The following CEP112 variants were observed in gnomAD, a reference collection of about 807,000 sequenced individuals.
CEP112 encodes centrosomal protein of 112 kDa.
Under a neutral mutation model 153.0 loss-of-function variants are expected in CEP112, and 127 were observed. The ratio of observed to expected loss-of-function variants is 0.83; its 90% CI spans 0.72 to 0.96. The LOEUF (loss-of-function observed/expected upper bound fraction) is 0.96, where lower values mean the gene tolerates loss of function less well. CEP112 is among the 40% of genes least tolerant of loss of function. The probability of loss-of-function intolerance (pLI) is 0.00; values close to 1 mark genes in which losing one functional copy is unlikely to be tolerated. For synonymous variants in CEP112, 358 were observed against 374.4 expected (o/e 0.96, Z 0.51); for missense variants, 1,089 against 1,101.2 (o/e 0.99, Z 0.16).
chr17:65,985,640 T>C (rs1483630559), intron 17 of CEP112, among the ~76,000 whole-genome samples: 3 of 152,196 alleles, frequency 2.0e-5, no homozygotes, highest in African/African-American at 7.2e-5. Context: ...CAAAGAACCG[T>C]TCATGACAAC....
chr17:65,753,821 G>C (rs2052041245), intron 21 of CEP112, among the ~76,000 whole-genome samples: 1 of 152,112 alleles, frequency 6.6e-6, no homozygotes, highest in South Asian at 2.1e-4. Context: ...TAAAGATGAG[G>C]TTACTTTTCC....
intron 6 of CEP112, among the ~76,000 whole-genome samples, chr17:66,100,381 CAG>C (rs2068518392): frequency 8.0e-6 from 1 of 124,774 alleles, no homozygotes; most frequent in African/African-American, 3.1e-5. Flanking sequence ...GCCTGGACAA[CAG>C]AGTGAGATTC....
chr17:65,926,053 A>G (rs2060910831), intron 19 of CEP112, among the ~76,000 whole-genome samples: 1 of 152,220 alleles, frequency 6.6e-6, no homozygotes, highest in Admixed American at 6.5e-5. Context: ...AAAACTTTGT[A>G]TTACTAAGTA....
intron 16 of CEP112, among the ~76,000 whole-genome samples, chr17:66,022,711 G>GGAAA (rs60618756): frequency 0.08 from 10,094 of 126,954 alleles, 799 homozygotes; most frequent in South Asian, 0.15. Context: ...TCCGCCTCAA[G>GGAAA]AAAAAAAAAA....
intron 20 of CEP112, among the ~76,000 whole-genome samples, chr17:65,887,125 A>G (rs2059307154): frequency 6.6e-6 from 1 of 152,166 alleles, no homozygotes; most frequent in African/African-American, 2.4e-5. Context: ...CCACCAATGG[A>G]TATGCCTGTA....
At chr17:65,699,744 C>T (rs571952607) in intron 23 of CEP112, among the ~76,000 whole-genome samples, 2 of 152,286 alleles carry the variant, frequency 1.3e-5, no homozygotes, top group South Asian at 4.1e-4. Context: ...CTTCCTACAT[C>T]AGCCTCCCAA....
At chr17:66,132,064 G>A (rs1026527398) in intron 5 of CEP112, among the ~76,000 whole-genome samples, 4 of 149,640 alleles carry the variant, frequency 2.7e-5, no homozygotes, top group African/African-American at 9.9e-5. Context: ...AGCTACTTGG[G>A]AGGCTGAGGC....
chr17:66,064,006 A>G (rs2067022296), intron 10 of CEP112, among the ~76,000 whole-genome samples: 1 of 152,192 alleles, frequency 6.6e-6, no homozygotes, highest in Admixed American at 6.5e-5. Flanking sequence ...AACCAGTCAT[A>G]AAGAATCACT....
chr17:66,109,423 A>T (rs903266132), intron 6 of CEP112, among the ~76,000 whole-genome samples: 44 of 151,970 alleles, frequency 2.9e-4, no homozygotes, highest in Admixed American at 2.5e-3. Flanking sequence ...ACAAATTTAA[A>T]TTTTTTTTAC....
chr17:66,057,330 T>G (rs932338279), intron 11 of CEP112, among the ~76,000 whole-genome samples: 3 of 151,806 alleles, frequency 2.0e-5, no homozygotes, highest in Admixed American at 2.0e-4. Context: ...AAAAGAAGAG[T>G]CTTTAAGTAG....
intron 6 of CEP112, among the ~76,000 whole-genome samples, chr17:66,117,622 G>A (rs1053396810): frequency 2.6e-5 from 4 of 152,262 alleles, no homozygotes; most frequent in Non-Finnish European, 2.9e-5. Context: ...GATTATTTGA[G>A]TAAGACCTCA....
Position 65,689,202 on chromosome 17 carries a change from A to G in CEP112, c.2624T>C (p.Leu875Ser), listed in dbSNP as rs2047972048. Residue 875 changes from leucine (L) to serine (S), a missense_variant, in exon 24 of 27, where the codon TTA becomes TCA. Coordinates refer to ENST00000535342, the MANE Select transcript of CEP112 (RefSeq NM_001199165.4). ...TCGCACCTGATTAGAACGGTTTTCTAATTCATCTTGTAAAACCTGAAACGG... is the reference window on the plus strand; with the variant it reads ...TCGCACCTGATTAGAACGGTTTTCTGATTCATCTTGTAAAACCTGAAACGG... ...DQAIKVLQDE[L>S]ENRSNQVRCA... 6.2e-7 allele frequency: 1 copy of G among 1,612,184 alleles called. No homozygotes were observed.
At chr17:65,755,641 T>A (rs758017080) in intron 21 of CEP112, among the ~76,000 whole-genome samples, 1 of 151,838 alleles carries the variant, frequency 6.6e-6, no homozygotes, top group Admixed American at 6.6e-5. Flanking sequence ...AGGGGTCAGA[T>A]TGGAGAAAAA....
chr17:66,099,793 T>A (rs1180469660), intron 6 of CEP112, among the ~76,000 whole-genome samples: 1 of 152,134 alleles, frequency 6.6e-6, no homozygotes, highest in African/African-American at 2.4e-5. Context: ...AGGAAACACT[T>A]TTTTAAAAAG....
intron 4 of CEP112, among the ~76,000 whole-genome samples, chr17:66,162,412 C>A (rs148806473): frequency 1.3e-5 from 2 of 152,230 alleles, no homozygotes; most frequent in Admixed American, 6.5e-5. Context: ...GAAATTTTAT[C>A]AGCAGTGCCT....
intron 24 of CEP112, among the ~76,000 whole-genome samples, chr17:65,655,753 T>C (rs766707169): frequency 2.6e-5 from 4 of 152,012 alleles, no homozygotes; most frequent in Non-Finnish European, 5.9e-5. Context: ...ATAAAAATAC[T>C]GGTAACAGGA....
intron 19 of CEP112, among the ~76,000 whole-genome samples, chr17:65,918,043 G>C (rs558936388): frequency 6.6e-6 from 1 of 152,110 alleles, no homozygotes; most frequent in South Asian, 2.1e-4. Context: ...AGCCAGGCGT[G>C]GTGGCGTGTG....
intron 20 of CEP112, among the ~76,000 whole-genome samples, chr17:65,899,440 C>G (rs80282902): frequency 0.02 from 3,070 of 152,178 alleles, 109 homozygotes; most frequent in African/African-American, 0.07. Context: ...GAGGAGACTA[C>G]TTCATTGTTC....
chr17:65,643,600 C>G (rs1224898657), intron 24 of CEP112, among the ~76,000 whole-genome samples: 1 of 152,144 alleles, frequency 6.6e-6, no homozygotes, highest in Non-Finnish European at 1.5e-5. Context: ...GACACCCGGG[C>G]CCCCTGGTAC....
Sources: gnomAD v4.1 joint callset for allele counts (sites outside exome capture counted in the v4.1 genomes callset) on GRCh38, gnomAD v4.1.1 for gene constraint, MANE v1.5 for transcripts, NCBI Gene and HGNC (gene_info 2026-07-23, HGNC 2026-07-21) for gene names.